Variants in ADAMTS12 observed in about 807,000 individuals in gnomAD.
ADAMTS12 encodes ADAM metallopeptidase with thrombospondin type 1 motif 12.
In ADAMTS12, 118 loss-of-function variants were observed where a neutral mutation model predicts 167.8. That is an observed-to-expected ratio of 0.70 (90% CI 0.61 to 0.82). The LOEUF is 0.82. Among genes scored for constraint, ADAMTS12 ranks in the 40% least tolerant of loss-of-function variants. ADAMTS12 has a pLI of 0.00. For missense variants in ADAMTS12, 1,916 were observed against 1,998.8 expected, an observed-to-expected ratio of 0.96 and a Z score of 0.79; for synonymous variants, 704 against 716.9, an observed-to-expected ratio of 0.98 and a Z score of 0.29.
intron 2 of ADAMTS12, among the ~76,000 whole-genome samples, chr5:33,779,809 C>G (rs1055019418): frequency 1.3e-5 from 2 of 152,084 alleles, no homozygotes; most frequent in Non-Finnish European, 2.9e-5. Context: ...TCACCAAAGG[C>G]TGGAGGATGA....
chr5:33,680,760 C>G (rs1240183833), intron 5 of ADAMTS12, among the ~76,000 whole-genome samples: 1 of 152,118 alleles, frequency 6.6e-6, no homozygotes, highest in African/African-American at 2.4e-5. Flanking sequence ...GATGGCAAAG[C>G]TAGTTCAAAG....
intron 2 of ADAMTS12, among the ~76,000 whole-genome samples, chr5:33,835,936 T>TCC (rs1748496480): frequency 1.9e-5 from 1 of 51,306 alleles, no homozygotes; most frequent in African/African-American, 5.8e-5. Context: ...TCTCTCTCTC[T>TCC]CTCTCTCTCT....
intron 20 of ADAMTS12, among the ~76,000 whole-genome samples, chr5:33,550,502 T>A (rs1181127977): frequency 6.6e-6 from 1 of 152,200 alleles, no homozygotes. Flanking sequence ...CAGCCCAGGT[T>A]CTTCCCCAGG....
intron 3 of ADAMTS12, among the ~76,000 whole-genome samples, chr5:33,716,630 A>G (rs1743625130): frequency 6.6e-6 from 1 of 152,158 alleles, no homozygotes; most frequent in African/African-American, 2.4e-5. Flanking sequence ...CATATTCAAT[A>G]TGATTTTTAT....
intron 3 of ADAMTS12, among the ~76,000 whole-genome samples, chr5:33,745,755 A>T (rs1283627715): frequency 6.6e-6 from 1 of 152,212 alleles, no homozygotes; most frequent in South Asian, 2.1e-4. Context: ...TTTAAAAAAA[A>T]ACTGAGTATC....
intron 14 of ADAMTS12, among the ~76,000 whole-genome samples, chr5:33,617,713 C>A (rs1399481705): frequency 6.6e-6 from 1 of 152,054 alleles, no homozygotes; most frequent in Non-Finnish European, 1.5e-5. Flanking sequence ...CATATCAGAG[C>A]TCATGCAGGT....
intron 3 of ADAMTS12, among the ~76,000 whole-genome samples, chr5:33,738,306 G>A (rs940104460): frequency 9.5e-6 from 1 of 104,840 alleles, no homozygotes; most frequent in Non-Finnish European, 2.6e-5. Context: ...ACTGCCCTTT[G>A]ATTTTTTTTT....
chr5:33,573,236 T>C (rs201677713), intron 19 of ADAMTS12, among the ~76,000 whole-genome samples: 1 of 133,700 alleles, frequency 7.5e-6, no homozygotes, highest in African/African-American at 2.8e-5. Flanking sequence ...CTTCACAGAA[T>C]TGGAAAAAAC....
intron 3 of ADAMTS12, among the ~76,000 whole-genome samples, chr5:33,696,142 C>A (rs1386248909): frequency 6.6e-6 from 1 of 152,160 alleles, no homozygotes; most frequent in African/African-American, 2.4e-5. Flanking sequence ...CAAATTATAG[C>A]TGGGCGTCGT....
rs1025655187 is a variant in ADAMTS12 at position 33,881,342 on chromosome 5, T to A, written c.266A>T (p.Asp89Val). 10 of 1,614,098 alleles carry A rather than the reference T, an allele frequency of 6.2e-6. No individual in the cohort carries two copies. In the East Asian group the frequency reaches 8.9e-5, roughly 14 times the overall value. The stretch of plus-strand genomic sequence containing the variant: ...GTGAGAAATTCTGTAGTACACCCAG[T>A]CCTCTGAGCCATCCAAATCTCTCTT... ...RRKRDLDGSE[D>V]WVYYRISHEE... Residue 89 changes from aspartate to valine, a missense_variant, in exon 2 of 24, where the codon GAC becomes GTC. Transcript: ENST00000504830.
At chr5:33,614,410 C>A (rs1462072755) in intron 15 of ADAMTS12, 34 bp from the exon 16 acceptor site, 1 of 1,610,958 alleles carries the variant, frequency 6.2e-7, no homozygotes, top group Admixed American at 1.7e-5. Context: ...GTCAAACTGT[C>A]ATGACTTTAT....
At chr5:33,567,973 T>A (rs1001269576) in intron 19 of ADAMTS12, among the ~76,000 whole-genome samples, 1 of 152,164 alleles carries the variant, frequency 6.6e-6, no homozygotes, top group Non-Finnish European at 1.5e-5. Flanking sequence ...GCCAGCTACT[T>A]AAATTCTCTC....
chr5:33,648,760 C>A, intron 9 of ADAMTS12, 62 bp downstream of exon 9: 1 of 1,594,082 alleles, frequency 6.3e-7, no homozygotes. Context: ...ATTGTCCTGG[C>A]CCTTCCTTCA....
At chr5:33,702,333 T>C (rs1191845262) in intron 3 of ADAMTS12, among the ~76,000 whole-genome samples, 5 of 152,184 alleles carry the variant, frequency 3.3e-5, no homozygotes, top group African/African-American at 9.7e-5. Flanking sequence ...TTACCTGGTA[T>C]TGTTGATGTT....
chr5:33,872,495 C>T (rs1226594051), intron 2 of ADAMTS12, among the ~76,000 whole-genome samples: 2 of 150,786 alleles, frequency 1.3e-5, no homozygotes, highest in African/African-American at 4.9e-5. Context: ...TGCAGTGAGC[C>T]GAGATTGTGC....
intron 20 of ADAMTS12, 104 bp from the exon 21 acceptor site, chr5:33,549,487 G>T (rs1207105788): frequency 4.3e-6 from 6 of 1,387,130 alleles, no homozygotes; most frequent in Non-Finnish European, 4.0e-6. Flanking sequence ...CATAAAGAGG[G>T]GTTAGGTCTA....
At chr5:33,716,725 A>G (rs1743629416) in intron 3 of ADAMTS12, among the ~76,000 whole-genome samples, 1 of 152,190 alleles carries the variant, frequency 6.6e-6, no homozygotes, top group African/African-American at 2.4e-5. Context: ...ATACATTTTG[A>G]AAAAACTTGA....
intron 16 of ADAMTS12, among the ~76,000 whole-genome samples, chr5:33,606,043 G>T (rs1385774700): frequency 6.6e-6 from 1 of 152,142 alleles, no homozygotes; most frequent in Admixed American, 6.5e-5. Flanking sequence ...TGCCTCCCCG[G>T]TTCAAGCAAA....
intron 18 of ADAMTS12, among the ~76,000 whole-genome samples, chr5:33,588,173 G>A (rs970889765): frequency 2.0e-5 from 3 of 152,126 alleles, no homozygotes; most frequent in African/African-American, 7.2e-5. Context: ...TAATTTGAGG[G>A]GATTTTTCTC....
Sources: gnomAD v4.1 joint callset for allele counts (sites outside exome capture counted in the v4.1 genomes callset) on GRCh38, gnomAD v4.1.1 for gene constraint, MANE v1.5 for transcripts, NCBI Gene and HGNC (gene_info 2026-07-23, HGNC 2026-07-21) for gene names.